The following DSCAML1 variants were observed in gnomAD, a reference collection of about 807,000 sequenced individuals.
The protein encoded by DSCAML1 is cell adhesion molecule DSCAML1.
Under a neutral mutation model 200.5 loss-of-function variants are expected in DSCAML1, and 38 were observed. The observed-to-expected ratio is 0.19, with a 90% CI of 0.15 to 0.25. The LOEUF is 0.25. DSCAML1 is among the 10% of genes least tolerant of loss of function. The probability of loss-of-function intolerance (pLI) is 1.00; values close to 1 mark genes in which losing one functional copy is unlikely to be tolerated. For missense variants in DSCAML1, 2,223 were observed against 2,858.8 expected (o/e 0.78, Z 5.07); for synonymous variants, 1,215 against 1,165.0 (o/e 1.04, Z -0.87).
At chr11:117,521,550 A>G (rs934169424) in intron 5 of DSCAML1, 145 bp from the exon 6 acceptor site, 14 of 789,526 alleles carry the variant, frequency 1.8e-5, no homozygotes, top group Non-Finnish European at 4.0e-6. Context: ...GTGGACTGGG[A>G]CTGGGGAATT....
At chr11:117,476,105 A>T (rs917982511) in intron 14 of DSCAML1, among the ~76,000 whole-genome samples, 6 of 152,150 alleles carry the variant, frequency 3.9e-5, no homozygotes, top group African/African-American at 1.4e-4. Context: ...CCAGATTAAC[A>T]TATTTCATTA....
At position 117,810,413 on chromosome 11, in the gene DSCAML1, G is replaced by A. The variant is rs11216552; in HGVS notation, c.-250+6977C>T. Among the ~76,000 whole-genome samples the A allele has an allele frequency of 2.0e-4, 30 of 151,794 alleles. No homozygotes were observed. In the East Asian group the frequency reaches 2.5e-3, roughly 13 times the overall value. ...CTCTGTGTCCCAATCCCTTATTTCCGCACCCCGACCTCTTATCTCTGTGCC... is the reference window on the plus strand; with the variant it reads ...CTCTGTGTCCCAATCCCTTATTTCCACACCCCGACCTCTTATCTCTGTGCC... On this transcript the variant is annotated intron_variant, in intron 1 of 2. Transcript: ENST00000525836.
At chr11:117,783,979 C>G (rs559420803) in intron 1 of DSCAML1, among the ~76,000 whole-genome samples, 2 of 152,252 alleles carry the variant, frequency 1.3e-5, no homozygotes, top group African/African-American at 4.8e-5. Context: ...CCTTCCTGCA[C>G]TCCTGGGCCT....
chr11:117,724,456 A>C (rs1180934329), intron 3 of DSCAML1, among the ~76,000 whole-genome samples: 1 of 152,220 alleles, frequency 6.6e-6, no homozygotes, highest in Non-Finnish European at 1.5e-5. Flanking sequence ...CTAGCACACC[A>C]GTCTCCTGTG....
intron 20 of DSCAML1, among the ~76,000 whole-genome samples, chr11:117,449,375 G>A (rs867809043): frequency 1.3e-5 from 2 of 152,128 alleles, no homozygotes; most frequent in African/African-American, 2.4e-5. Flanking sequence ...GGAGTGGGGG[G>A]CCGCAGTCAG....
intron 3 of DSCAML1, among the ~76,000 whole-genome samples, chr11:117,660,536 A>C (rs577420623): frequency 9.3e-6 from 1 of 107,644 alleles, no homozygotes; most frequent in African/African-American, 3.5e-5. Context: ...CATCCTCCAA[A>C]ATGACTTTGC....
At chr11:117,714,662 C>CA (rs1264837160) in intron 3 of DSCAML1, among the ~76,000 whole-genome samples, 1 of 151,838 alleles carries the variant, frequency 6.6e-6, no homozygotes, top group Non-Finnish European at 1.5e-5. Context: ...ACTGAAAATA[C>CA]AAAAATTAGC....
intron 3 of DSCAML1, among the ~76,000 whole-genome samples, chr11:117,615,707 G>C (rs1286323825): frequency 6.6e-6 from 1 of 152,040 alleles, no homozygotes; most frequent in Non-Finnish European, 1.5e-5. Flanking sequence ...CAGGTATTTT[G>C]GGTGGGGAAA....
chr11:117,694,398 T>TGGG (rs2053551357), intron 3 of DSCAML1, among the ~76,000 whole-genome samples: 2 of 149,156 alleles, frequency 1.3e-5, no homozygotes, highest in East Asian at 3.9e-4. Context: ...AGAGCTAGAC[T>TGGG]CCATCTCAAA....
At chr11:117,502,005 G>A (rs992468000) in intron 11 of DSCAML1, among the ~76,000 whole-genome samples, 7 of 152,326 alleles carry the variant, frequency 4.6e-5, no homozygotes, top group South Asian at 4.1e-4. Context: ...TGTGTGGTGC[G>A]TGAGGTTTTG....
Position 117,503,876 on chromosome 11 carries a change from G to A in DSCAML1, c.2328C>T (p.Asp776=). The change falls in exon 11 of 33, where the codon GAC becomes GAT. Residue 776 remains aspartate, a synonymous_variant. Transcript: ENST00000651296. This position sits in a 1 kb window ranked among gnomAD's most constrained non-coding sequence, Gnocchi z 5.2. ...LCQASNGVGT[D]ISKSMFLTVK... ...CTGTGAGGAACATGGACTTGCTGAT[G>A]TCGGTGCCTACGCCGTTGCTGGCCT... The A allele has an allele frequency of 6.2e-7, 1 of 1,614,170 alleles. No homozygotes were observed. Among genetic ancestry groups the A allele is most frequent in the Non-Finnish European group, 8.5e-7 (1 of 1,180,028 alleles).
At chr11:117,605,898 G>A (rs558126990) in intron 3 of DSCAML1, among the ~76,000 whole-genome samples, 9 of 152,190 alleles carry the variant, frequency 5.9e-5, no homozygotes, top group African/African-American at 2.2e-4. Context: ...ATCTGTCAAC[G>A]GAGGCCAACC....
Position 117,498,598 on chromosome 11 carries a change from C to A in DSCAML1, c.2359+5247G>T, listed in dbSNP as rs1040319535. ...CTTTGGGCAAATTTGAAATGAGGAC[C>A]ATCTTGGATCTCCAGACGCACTTTT... On this transcript the variant is annotated intron_variant, in intron 11 of 32. Transcript: ENST00000651296. This position sits in a 1 kb window ranked among gnomAD's most constrained non-coding sequence, Gnocchi z 4.0. Among the ~76,000 whole-genome samples, 1 of 152,132 alleles carries A rather than the reference C, an allele frequency of 6.6e-6. No homozygotes were observed. The highest frequency in any genetic ancestry group is 1.5e-5 in the Non-Finnish European group (1 of 68,024).
At chr11:117,604,192 T>C (rs528500253) in intron 3 of DSCAML1, among the ~76,000 whole-genome samples, 1 of 152,314 alleles carries the variant, frequency 6.6e-6, no homozygotes, top group East Asian at 1.9e-4. Context: ...ATCTGACCCA[T>C]GGCAGGTGTT....
At chr11:117,449,000 A>C (rs1450285128) in intron 20 of DSCAML1, among the ~76,000 whole-genome samples, 7 of 152,208 alleles carry the variant, frequency 4.6e-5, no homozygotes, top group Non-Finnish European at 1.0e-4. Context: ...ATGGATTAAT[A>C]ATCATAACAT....
intron 3 of DSCAML1, among the ~76,000 whole-genome samples, chr11:117,756,500 T>C (rs527627051): frequency 2.0e-4 from 31 of 152,290 alleles, no homozygotes; most frequent in African/African-American, 7.2e-4. Flanking sequence ...TCCTGCGAGC[T>C]TGCAGACATC....
chr11:117,488,726 A>G (rs1350416637), intron 11 of DSCAML1, among the ~76,000 whole-genome samples: 1 of 152,228 alleles, frequency 6.6e-6, no homozygotes, highest in Non-Finnish European at 1.5e-5. Flanking sequence ...TGCTTGTTTA[A>G]CACACATCTC....
At chr11:117,556,610 C>T (rs2050563554) in intron 3 of DSCAML1, among the ~76,000 whole-genome samples, 1 of 152,190 alleles carries the variant, frequency 6.6e-6, no homozygotes, top group African/African-American at 2.4e-5. Flanking sequence ...TCCCATGGAC[C>T]TACCCTACGT....
At chr11:117,747,971 C>A (rs2054544695) in intron 3 of DSCAML1, among the ~76,000 whole-genome samples, 1 of 152,120 alleles carries the variant, frequency 6.6e-6, no homozygotes, top group African/African-American at 2.4e-5. Flanking sequence ...CATCTGGGTT[C>A]TCCCCAACAC....
Sources: gnomAD v4.1 joint callset for allele counts (sites outside exome capture counted in the v4.1 genomes callset) on GRCh38, gnomAD v4.1.1 for gene constraint, Gnocchi (gnomAD v3.1) non-coding constraint, MANE v1.5 for transcripts, NCBI Gene and HGNC (gene_info 2026-07-23, HGNC 2026-07-21) for gene names.